Variants in C12orf56 observed in about 807,000 individuals in gnomAD.
C12orf56 encodes the protein chromosome 12 open reading frame 56, also known as uncharacterized protein C12orf56.
In C12orf56, 71 loss-of-function variants were observed where a neutral mutation model predicts 69.9. That is an observed-to-expected ratio of 1.02 (90% CI 0.84 to 1.24). The LOEUF is 1.24. Ranked by LOEUF, C12orf56 falls within the 50% of genes most tolerant of loss-of-function variation. The pLI is 0.00. For missense variants in C12orf56, 732 were observed against 738.5 expected (o/e 0.99, Z 0.10); for synonymous variants, 276 against 274.1 (o/e 1.01, Z -0.07).
chr12:64,381,379 C>T (rs1042310010), intron 1 of C12orf56, among the ~76,000 whole-genome samples: 1 of 152,222 alleles, frequency 6.6e-6, no homozygotes, highest in African/African-American at 2.4e-5. Flanking sequence ...GAGTCAGAAT[C>T]TTGTAGCCTC....
chr12:64,386,548 C>T (rs1223543111), intron 1 of C12orf56, among the ~76,000 whole-genome samples: 3 of 152,078 alleles, frequency 2.0e-5, no homozygotes, highest in African/African-American at 4.8e-5. Flanking sequence ...AGGCATGTGC[C>T]ACCACGCTTG....
chr12:64,312,601 T>G (rs2038634373), intron 5 of C12orf56, 78 bp downstream of exon 5: 1 of 1,075,932 alleles, frequency 9.3e-7, no homozygotes, highest in African/African-American at 1.6e-5. Context: ...AGAGTGAGAC[T>G]CAGTTTCAAA....
intron 2 of C12orf56, among the ~76,000 whole-genome samples, chr12:64,340,265 C>A (rs2136882690): frequency 6.6e-6 from 1 of 152,170 alleles, no homozygotes; most frequent in South Asian, 2.1e-4. Flanking sequence ...TAAGATTGTG[C>A]CCACCCAGAA....
intron 1 of C12orf56, among the ~76,000 whole-genome samples, chr12:64,379,402 A>G (rs916051333): frequency 1.3e-5 from 2 of 150,872 alleles, no homozygotes; most frequent in African/African-American, 4.9e-5. Context: ...CTCCTGCCTC[A>G]GCCTCCTGCG....
rs749834363 is a variant in C12orf56 at position 64,390,520 on chromosome 12, G to T, written c.46C>A (p.Arg16Ser). 1 of 1,598,076 alleles carries T rather than the reference G, an allele frequency of 6.3e-7. No homozygotes were observed. The highest frequency in any genetic ancestry group is 2.2e-5 in the East Asian group (1 of 44,728). Residue 16 changes from arginine to serine, a missense_variant, in exon 1 of 13, where the codon CGC becomes AGC. Physicochemically the swap from Arg to Ser is moderately radical, Grantham distance 110 (BLOSUM62 -1). Transcript: ENST00000543942. ...TGCCGCCGCAGGAACACATCCAGGCGGCTGTTCCTGCGCGCGGGGAAGCCG... is the reference window on the plus strand; with the variant it reads ...TGCCGCCGCAGGAACACATCCAGGCTGCTGTTCCTGCGCGCGGGGAAGCCG... ...PSGFPARRNS[R>S]LDVFLRRHLP...
chr12:64,311,883 G>A (rs917846132), intron 5 of C12orf56, among the ~76,000 whole-genome samples: 5 of 152,232 alleles, frequency 3.3e-5, no homozygotes, highest in Admixed American at 6.5e-5. Context: ...AGGAGCAAGA[G>A]TGAAGGCAGA....
At position 64,390,381 on chromosome 12, in the gene C12orf56, A is replaced by G. The variant is rs1274668017; in HGVS notation, c.185T>C (p.Leu62Pro). ...GATGGACTTGGGCGGGTTCTCGGTT[A>G]GGTAGACGAGCCGGTCGCTTAGCAC... ...YVVLSDRLVY[L>P]TENPPKSIRR... The change falls in exon 1 of 13, where the codon CTA (leucine) becomes CCA (proline). Residue 62 changes from leucine to proline, a missense_variant. Transcript: ENST00000543942. 2 of 1,612,986 alleles carry G rather than the reference A, an allele frequency of 1.2e-6. No individual in the cohort carries two copies. Among genetic ancestry groups the G allele is most frequent in the Non-Finnish European group, 8.5e-7 (1 of 1,179,744 alleles).
chr12:64,372,201 G>T (rs2039581407), intron 1 of C12orf56, among the ~76,000 whole-genome samples: 1 of 152,062 alleles, frequency 6.6e-6, no homozygotes, highest in South Asian at 2.1e-4. Flanking sequence ...GGAAACTGAG[G>T]CATGGAGGAA....
At chr12:64,342,886 T>C (rs1405879925) in intron 2 of C12orf56, among the ~76,000 whole-genome samples, 1 of 152,214 alleles carries the variant, frequency 6.6e-6, no homozygotes, top group Non-Finnish European at 1.5e-5. Context: ...AGCATCTCTA[T>C]CTGTGACTGA....
At chr12:64,366,082 T>C (rs1479542126) in intron 1 of C12orf56, among the ~76,000 whole-genome samples, 2 of 126,952 alleles carry the variant, frequency 1.6e-5, no homozygotes, top group Non-Finnish European at 3.1e-5. Context: ...ATATAGTTTG[T>C]ATAATATATA....
intron 5 of C12orf56, among the ~76,000 whole-genome samples, chr12:64,310,719 C>A (rs896245942): frequency 4.0e-5 from 5 of 124,962 alleles, no homozygotes; most frequent in South Asian, 2.6e-4. Context: ...CTTCTTCTTT[C>A]TTTATTTTTT....
chr12:64,267,012 T>A lies in C12orf56; in HGVS notation c.*171A>T. 1.9e-6 allele frequency: 1 copy of A among 532,464 alleles called. No individual in the cohort carries two copies. Among genetic ancestry groups the A allele is most frequent in the South Asian group, 3.2e-5 (1 of 31,102 alleles). The allele number at this position is 532,464 out of a possible 1,614,324, so 33.0% of individuals were successfully genotyped here. The stretch of plus-strand genomic sequence containing the variant: ...AATAAATCAAATTTATTTTTTAAAA[T>A]TTTAAACTTCTCATAGAGAGGTATT... On this transcript the variant is annotated 3_prime_UTR_variant, in exon 13 of 13. Coordinates refer to ENST00000543942, the MANE Select transcript of C12orf56 (RefSeq NM_001170633.2).
chr12:64,300,494 T>C (rs935827352), intron 6 of C12orf56, among the ~76,000 whole-genome samples: 1 of 152,188 alleles, frequency 6.6e-6, no homozygotes, highest in African/African-American at 2.4e-5. Context: ...TTCTCCTACC[T>C]AGACATGCAC....
chr12:64,295,172 C>T lies in C12orf56; in HGVS notation c.1113+8463G>A, dbSNP rs796589974. ...TGCTGGGATTATAGGCATGAGCCACCGTGCCAGTGGAAAAAATTTAAACTA... is the reference window on the plus strand; with the variant it reads ...TGCTGGGATTATAGGCATGAGCCACTGTGCCAGTGGAAAAAATTTAAACTA... On this transcript the variant is annotated intron_variant, in intron 6 of 12. Transcript: ENST00000543942. Among the ~76,000 whole-genome samples the T allele has an allele frequency of 2.0e-4, 31 of 152,246 alleles. 1 individual carries two copies. Among genetic ancestry groups the T allele is most frequent in the African/African-American group, 5.8e-4 (24 of 41,536 alleles).
At chr12:64,337,336 A>T (rs1439181053) in intron 2 of C12orf56, among the ~76,000 whole-genome samples, 1 of 152,152 alleles carries the variant, frequency 6.6e-6, no homozygotes, top group Non-Finnish European at 1.5e-5. Flanking sequence ...CCCACAGGTT[A>T]AGGGCTCAGT....
intron 2 of C12orf56, chr12:64,338,799 G>A (rs2039032493): frequency 1.6e-6 from 2 of 1,234,038 alleles, no homozygotes; most frequent in Non-Finnish European, 2.4e-6. Flanking sequence ...GCCATGGTGA[G>A]AGCAAAGCTA....
At chr12:64,357,072 C>A (rs2039327469) in intron 1 of C12orf56, among the ~76,000 whole-genome samples, 1 of 151,266 alleles carries the variant, frequency 6.6e-6, no homozygotes, top group Admixed American at 6.6e-5. Context: ...ATATTTTACA[C>A]CTAAAACATC....
At position 64,386,038 on chromosome 12, in the gene C12orf56, G is replaced by C. The variant is rs558744245; in HGVS notation, c.252+4276C>G. 1.2e-4 allele frequency among the ~76,000 whole-genome samples: 19 copies of C among 152,146 alleles called. 1 individual carries two copies. The highest frequency in any genetic ancestry group is 1.2e-3 in the Admixed American group (18 of 15,266). The stretch of plus-strand genomic sequence containing the variant: ...AATGTGTTGGCAGGACCTTCTGGAA[G>C]CTTTAGGGGAAAATCCATTTCCTTG... On this transcript the variant is annotated intron_variant, in intron 1 of 12. Coordinates refer to ENST00000543942, the MANE Select transcript of C12orf56 (RefSeq NM_001170633.2).
intron 1 of C12orf56, among the ~76,000 whole-genome samples, chr12:64,370,763 AT>A (rs1199513340): frequency 6.6e-6 from 1 of 152,228 alleles, no homozygotes; most frequent in Non-Finnish European, 1.5e-5. Flanking sequence ...AAGGCATCAC[AT>A]TTCCTGATTT....
Sources: gnomAD v4.1 joint callset for allele counts (sites outside exome capture counted in the v4.1 genomes callset) on GRCh38, gnomAD v4.1.1 for gene constraint, MANE v1.5 for transcripts, NCBI Gene and HGNC (gene_info 2026-07-23, HGNC 2026-07-21) for gene names.